The following COL28A1 variants were observed in gnomAD, a reference collection of about 807,000 sequenced individuals.
COL28A1 encodes the protein collagen alpha-1(XXVIII) chain.
COL28A1 carries 161 observed loss-of-function variants against 150.2 expected under a neutral mutation model. The ratio of observed to expected loss-of-function variants is 1.07; its 90% CI spans 0.94 to 1.22. COL28A1 has a LOEUF of 1.22. Among genes scored for constraint, COL28A1 ranks in the 50% most tolerant of loss-of-function variants. The pLI is 0.00. For synonymous variants in COL28A1, 552 were observed against 469.7 expected, an observed-to-expected ratio of 1.18 and a Z score of -2.26; for missense variants, 1,617 against 1,388.3, an observed-to-expected ratio of 1.16 and a Z score of -2.62.
chr7:7,369,658 C>T (rs999809840), intron 33 of COL28A1, among the ~76,000 whole-genome samples: 11 of 152,118 alleles, frequency 7.2e-5, no homozygotes, highest in African/African-American at 2.4e-4. Context: ...GAACAGGATA[C>T]GAGAATCTAG....
At position 7,358,479 on chromosome 7, in the gene COL28A1, T is replaced by G. The variant is rs12155291; in HGVS notation, c.*154A>C. The G allele has an allele frequency of 0.022, 14,733 of 655,410 alleles. 212 individuals carry two copies. Among genetic ancestry groups the G allele is most frequent in the Non-Finnish European group, 0.028 (11,219 of 399,620 alleles). The allele number at this position is 655,410 out of a possible 1,614,324, so 40.6% of individuals were successfully genotyped here. ...TCTTACCTATATAAGTGGTTAATAA[T>G]ATGTACATCCTAGGGCTGTAGTGAG... On this transcript the variant is annotated 3_prime_UTR_variant, in exon 35 of 35. Transcript: ENST00000399429.
At chr7:7,478,898 G>T (rs547493411) in intron 13 of COL28A1, among the ~76,000 whole-genome samples, 2 of 152,348 alleles carry the variant, frequency 1.3e-5, no homozygotes, top group African/African-American at 4.8e-5. Flanking sequence ...GCGCCAGGCA[G>T]CCCTGGTTCC....
At chr7:7,356,917 T>C (rs929583680), downstream of COL28A1, 5 of 152,150 alleles carry the variant, frequency 3.3e-5, no homozygotes, top group Non-Finnish European at 7.4e-5. Context: ...TTTAATTAAA[T>C]AAAAAAATTA....
At chr7:7,454,763 ATAAG>A (rs571411704) in intron 16 of COL28A1, among the ~76,000 whole-genome samples, 120 of 152,332 alleles carry the variant, frequency 7.9e-4, no homozygotes, top group African/African-American at 2.7e-3. Flanking sequence ...CACTTTTGGG[ATAAG>A]TAAGCCCCTG....
At chr7:7,347,305 A>G in the COL28A1 span, among the ~76,000 whole-genome samples, 4 of 152,068 alleles carry the variant, frequency 2.6e-5, no homozygotes, top group Non-Finnish European at 5.9e-5. Flanking sequence ...ATTCTTTCCC[A>G]GTGGGTGGGT....
intron 16 of COL28A1, among the ~76,000 whole-genome samples, chr7:7,455,669 G>A (rs796564514): frequency 1.3e-5 from 2 of 152,246 alleles, no homozygotes; most frequent in Admixed American, 6.5e-5. Context: ...TACTCCATTG[G>A]GAGAGAGTGG....
At chr7:7,522,722 T>C (rs542642965) in intron 4 of COL28A1, among the ~76,000 whole-genome samples, 1 of 149,288 alleles carries the variant, frequency 6.7e-6, no homozygotes, top group African/African-American at 2.5e-5. Context: ...GTCTAATCTT[T>C]TGGCTTCCCT....
At chr7:7,354,481 C>T (rs1780304897), downstream of COL28A1, among the ~76,000 whole-genome samples, 1 of 152,034 alleles carries the variant, frequency 6.6e-6, no homozygotes, top group Non-Finnish European at 1.5e-5. Context: ...CCTCAAAAAG[C>T]AACAGGAGGA....
At chr7:7,377,594 T>A (rs1271978690) in intron 30 of COL28A1, among the ~76,000 whole-genome samples, 1 of 152,076 alleles carries the variant, frequency 6.6e-6, no homozygotes, top group African/African-American at 2.4e-5. Context: ...AGTAAACTTA[T>A]GAATTAGGGC....
intron 13 of COL28A1, among the ~76,000 whole-genome samples, chr7:7,485,067 C>T (rs1206125200): frequency 2.0e-5 from 3 of 152,096 alleles, no homozygotes; most frequent in Non-Finnish European, 2.9e-5. Context: ...CTACACCAAA[C>T]CCCTGTGACA....
chr7:7,377,599 T>C (rs964756615), intron 30 of COL28A1, among the ~76,000 whole-genome samples: 1 of 152,014 alleles, frequency 6.6e-6, no homozygotes, highest in Admixed American at 6.5e-5. Context: ...ACTTATGAAT[T>C]AGGGCACATA....
intron 27 of COL28A1, among the ~76,000 whole-genome samples, chr7:7,387,542 C>G (rs898308049): frequency 6.6e-6 from 1 of 151,654 alleles, no homozygotes; most frequent in Non-Finnish European, 1.5e-5. Flanking sequence ...TAAATGGGTA[C>G]CAAATCTGAA....
chr7:7,455,733 A>G (rs1210623789), intron 16 of COL28A1, among the ~76,000 whole-genome samples: 1 of 152,260 alleles, frequency 6.6e-6, no homozygotes, highest in Non-Finnish European at 1.5e-5. Context: ...CCAGCAGGTG[A>G]GTAAACTATT....
chr7:7,477,274 A>T (rs1284190365), intron 13 of COL28A1, 94 bp from the exon 14 acceptor site: 3 of 745,700 alleles, frequency 4.0e-6, no homozygotes, highest in Admixed American at 2.3e-5. Context: ...GAGAATGGTT[A>T]TATTTCAGTT....
At chr7:7,408,605 T>C (rs1783617669) in intron 27 of COL28A1, among the ~76,000 whole-genome samples, 1 of 152,154 alleles carries the variant, frequency 6.6e-6, no homozygotes, top group Non-Finnish European at 1.5e-5. Context: ...GAAGTGATTA[T>C]TACAGCCCCA....
At chr7:7,368,387 C>CTG (rs573667278) in intron 33 of COL28A1, among the ~76,000 whole-genome samples, 1 of 27,050 alleles carries the variant, frequency 3.7e-5, no homozygotes, top group Non-Finnish European at 6.6e-5. Flanking sequence ...CCTTTGCCTA[C>CTG]TGTTTTTTTT....
intron 33 of COL28A1, among the ~76,000 whole-genome samples, chr7:7,363,843 C>T (rs999717395): frequency 3.6e-4 from 55 of 152,216 alleles, no homozygotes; most frequent in Middle Eastern, 3.4e-3. Context: ...TTGCCCAGCA[C>T]GATCTCGGCT....
At chr7:7,389,298 G>A (rs1200494899) in intron 27 of COL28A1, among the ~76,000 whole-genome samples, 1 of 152,174 alleles carries the variant, frequency 6.6e-6, no homozygotes, top group Non-Finnish European at 1.5e-5. Context: ...TCAAAGACCA[G>A]ATGGTTGTAG....
Position 7,410,308 on chromosome 7 carries a change from G to C in COL28A1, c.2136+7551C>G, listed in dbSNP as rs903887334. Among the ~76,000 whole-genome samples the C allele has an allele frequency of 3.3e-5, 5 of 152,274 alleles. No homozygotes were observed. The East Asian group carries it at 7.7e-4, about 23-fold the overall frequency. On this transcript the variant is annotated intron_variant, in intron 27 of 34. Coordinates refer to ENST00000399429, the MANE Select transcript of COL28A1 (RefSeq NM_001037763.3). ...TTCAATGTCTATAACCAGGTTTGTA[G>C]ATTTTGATCACCAAGATAATTTTAA...
Sources: gnomAD v4.1 joint callset for allele counts (sites outside exome capture counted in the v4.1 genomes callset) on GRCh38, gnomAD v4.1.1 for gene constraint, MANE v1.5 for transcripts, NCBI Gene and HGNC (gene_info 2026-07-23, HGNC 2026-07-21) for gene names.